Variants in CENPP observed in about 807,000 individuals in gnomAD.
The protein encoded by CENPP is centromere protein P.
CENPP carries 24 observed loss-of-function variants against 35.6 expected under a neutral mutation model. The observed-to-expected ratio is 0.67, with a 90% CI of 0.49 to 0.95. The LOEUF (loss-of-function observed/expected upper bound fraction) is 0.95, where lower values mean the gene tolerates loss of function less well. CENPP is among the 40% of genes least tolerant of loss of function. The pLI, the probability that CENPP is intolerant of heterozygous loss-of-function variation, is 0.00. For synonymous variants in CENPP, 120 were observed against 125.5 expected (o/e 0.96, Z 0.29); for missense variants, 332 against 345.3 (o/e 0.96, Z 0.31).
intron 5 of CENPP, among the ~76,000 whole-genome samples, chr9:92,547,605 A>G (rs970048668): frequency 2.6e-5 from 4 of 152,214 alleles, no homozygotes; most frequent in Admixed American, 2.6e-4. Flanking sequence ...GAAATGTCCA[A>G]AATAGACGAA....
chr9:92,560,775 C>T (rs963616832), intron 5 of CENPP, among the ~76,000 whole-genome samples: 47 of 152,090 alleles, frequency 3.1e-4, no homozygotes, highest in Non-Finnish European at 3.8e-4. Flanking sequence ...ATTCTACCAC[C>T]GTTCTGCTTC....
chr9:92,489,610 A>AT (rs879683545), intron 5 of CENPP, among the ~76,000 whole-genome samples: 10 of 148,268 alleles, frequency 6.7e-5, no homozygotes, highest in Middle Eastern at 3.4e-3. Context: ...TATGGTCAGG[A>AT]TTTTTTTTTT....
chr9:92,582,762 C>T (rs1057119375), intron 5 of CENPP, among the ~76,000 whole-genome samples: 2 of 152,070 alleles, frequency 1.3e-5, no homozygotes, highest in African/African-American at 4.8e-5. Context: ...CAAATAAGCC[C>T]TAGTACGCAA....
intron 4 of CENPP, among the ~76,000 whole-genome samples, chr9:92,351,163 C>A (rs1235041638): frequency 6.6e-6 from 1 of 152,122 alleles, no homozygotes; most frequent in Non-Finnish European, 1.5e-5. Context: ...CAACCATCAC[C>A]ACTATCTGTC....
chr9:92,453,549 TGTG>T (rs1844780142), intron 5 of CENPP, among the ~76,000 whole-genome samples: 1 of 152,152 alleles, frequency 6.6e-6, no homozygotes, highest in African/African-American at 2.4e-5. Flanking sequence ...AAAGGTGTGG[TGTG>T]GTGCTGAAAA....
chr9:92,536,607 C>G (rs779848006), intron 5 of CENPP: 1 of 152,350 alleles, frequency 6.6e-6, no homozygotes, highest in African/African-American at 2.4e-5. Context: ...TTACCTGTTA[C>G]GCTGGCAAAT....
chr9:92,386,511 C>T (rs1470871915), intron 5 of CENPP, among the ~76,000 whole-genome samples: 1 of 151,918 alleles, frequency 6.6e-6, no homozygotes, highest in African/African-American at 2.4e-5. Flanking sequence ...TTATGATGGC[C>T]AGTGGAGCTC....
intron 5 of CENPP, among the ~76,000 whole-genome samples, chr9:92,499,723 G>A (rs1203573600): frequency 6.6e-6 from 1 of 152,126 alleles, no homozygotes; most frequent in Non-Finnish European, 1.5e-5. Flanking sequence ...TTAAAAACAC[G>A]AACTTTTCTG....
intron 5 of CENPP, among the ~76,000 whole-genome samples, chr9:92,588,000 C>A (rs909910434): frequency 6.6e-6 from 1 of 151,830 alleles, no homozygotes; most frequent in Non-Finnish European, 1.5e-5. Context: ...TGGAGCCAGG[C>A]ATGGTGGTAG....
intron 5 of CENPP, among the ~76,000 whole-genome samples, chr9:92,387,491 A>T (rs934342171): frequency 6.6e-6 from 1 of 152,124 alleles, no homozygotes; most frequent in Admixed American, 6.5e-5. Context: ...ATTCTTCATG[A>T]TCAGTAACCC....
intron 2 of CENPP, among the ~76,000 whole-genome samples, chr9:92,335,145 C>T (rs1307447090): frequency 1.3e-5 from 2 of 152,106 alleles, no homozygotes; most frequent in Non-Finnish European, 2.9e-5. Context: ...CAGAACGAGA[C>T]TCCATCTCAA....
intron 4 of CENPP, among the ~76,000 whole-genome samples, chr9:92,348,993 G>A (rs963074946): frequency 6.6e-6 from 1 of 152,124 alleles, no homozygotes; most frequent in Non-Finnish European, 1.5e-5. Context: ...TGTTTCTGTA[G>A]TTTGTGCTAT....
chr9:92,557,871 C>T (rs1184524925), intron 5 of CENPP, among the ~76,000 whole-genome samples: 1 of 152,094 alleles, frequency 6.6e-6, no homozygotes, highest in East Asian at 1.9e-4. Flanking sequence ...TCTCGATCTC[C>T]TGACCTTGTG....
At chr9:92,565,230 A>G (rs767839532) in intron 5 of CENPP, among the ~76,000 whole-genome samples, 1 of 135,190 alleles carries the variant, frequency 7.4e-6, no homozygotes, top group Non-Finnish European at 1.5e-5. Context: ...CCTGAGTCAC[A>G]TTGGAAGAAG....
intron 2 of CENPP, among the ~76,000 whole-genome samples, chr9:92,335,740 C>A (rs1009317755): frequency 6.6e-6 from 1 of 152,096 alleles, no homozygotes; most frequent in Non-Finnish European, 1.5e-5. Context: ...GTTCTATTGA[C>A]CTATTTGTAT....
At chr9:92,347,787 C>T (rs1841333159) in intron 4 of CENPP, among the ~76,000 whole-genome samples, 1 of 152,142 alleles carries the variant, frequency 6.6e-6, no homozygotes, top group Non-Finnish European at 1.5e-5. Context: ...ATTTATTTTC[C>T]CTCAACCATT....
Position 92,567,188 on chromosome 9 carries a change from C to T in CENPP, c.565-44126C>T, listed in dbSNP as rs567691066. Among the ~76,000 whole-genome samples, 3 of 151,974 alleles carry T rather than the reference C, an allele frequency of 2.0e-5. No homozygotes were observed. The South Asian group carries it at 6.2e-4, about 32-fold the overall frequency. The stretch of plus-strand genomic sequence containing the variant: ...GGTGAAATGAAAGGACCATAGACAG[C>T]AACTCAAAACAACGTGAAGAAATAA... On this transcript the variant is annotated intron_variant, in intron 5 of 7. Coordinates refer to ENST00000375587, the MANE Select transcript of CENPP (RefSeq NM_001012267.3).
intron 5 of CENPP, among the ~76,000 whole-genome samples, chr9:92,574,694 T>C (rs1420738251): frequency 1.3e-5 from 2 of 152,244 alleles, no homozygotes; most frequent in African/African-American, 2.4e-5. Flanking sequence ...ATTCCAGTGA[T>C]GTTTTTCGCA....
intron 5 of CENPP, among the ~76,000 whole-genome samples, chr9:92,390,619 A>G (rs151111760): frequency 3.3e-5 from 5 of 152,054 alleles, no homozygotes; most frequent in Admixed American, 1.3e-4. Flanking sequence ...TGCATCACGT[A>G]TATCTGGGAT....
Sources: allele counts gnomAD v4.1 joint callset (sites outside exome capture counted in the v4.1 genomes callset), GRCh38; gene constraint gnomAD v4.1.1; transcripts MANE v1.5; gene names NCBI Gene and HGNC (gene_info 2026-07-23, HGNC 2026-07-21).